PTPRD: variants seen among roughly 807,000 people sequenced by gnomAD.
The protein encoded by PTPRD is protein tyrosine phosphatase receptor type D.
A neutral mutation model predicts 214.5 loss-of-function variants in PTPRD; 34 were observed. The ratio of observed to expected loss-of-function variants is 0.16; its 90% CI spans 0.12 to 0.21. The LOEUF is 0.21. Ranked by LOEUF, PTPRD falls within the 10% of genes least tolerant of loss-of-function variation. PTPRD has a pLI of 1.00. For synonymous variants in PTPRD, 1,128 were observed against 845.7 expected (o/e 1.33, Z -5.79); for missense variants, 2,545 against 2,398.7 (o/e 1.06, Z -1.27).
At chr9:8,544,860 A>G (rs1222454726) in intron 14 of PTPRD, among the ~76,000 whole-genome samples, 3 of 150,408 alleles carry the variant, frequency 2.0e-5, no homozygotes, top group Non-Finnish European at 3.0e-5. Flanking sequence ...TCCTTTGACA[A>G]TAACAGCTGG....
chr9:9,001,059 C>T (rs752464263), intron 11 of PTPRD, among the ~76,000 whole-genome samples: 2 of 151,954 alleles, frequency 1.3e-5, no homozygotes, highest in Non-Finnish European at 2.9e-5. Context: ...TGCTAATACT[C>T]TCTCAAATTT....
intron 10 of PTPRD, among the ~76,000 whole-genome samples, chr9:9,146,939 C>T (rs78230319): frequency 0.038 from 5,714 of 152,114 alleles, 363 homozygotes; most frequent in African/African-American, 0.13. Flanking sequence ...AATAAGGTCA[C>T]CCAAAACATT....
chr9:10,550,360 G>A (rs1427460139), intron 2 of PTPRD, among the ~76,000 whole-genome samples: 1 of 152,156 alleles, frequency 6.6e-6, no homozygotes, highest in Non-Finnish European at 1.5e-5. Flanking sequence ...GTGTAATTTG[G>A]ATTTCCTTTA....
intron 10 of PTPRD, among the ~76,000 whole-genome samples, chr9:9,145,428 T>C (rs2099866965): frequency 6.8e-6 from 1 of 148,016 alleles, no homozygotes; most frequent in Admixed American, 6.8e-5. Context: ...ATATTGAGTG[T>C]CCTTTTAATT....
At chr9:10,091,303 G>T (rs1227180943) in intron 3 of PTPRD, among the ~76,000 whole-genome samples, 1 of 151,352 alleles carries the variant, frequency 6.6e-6, no homozygotes, top group Non-Finnish European at 1.5e-5. Context: ...AGTAAAAGGA[G>T]AATTATTTGA....
chr9:9,630,777 G>A (rs2095565586), intron 7 of PTPRD, among the ~76,000 whole-genome samples: 1 of 151,986 alleles, frequency 6.6e-6, no homozygotes, highest in Non-Finnish European at 1.5e-5. Flanking sequence ...TTACATAAAT[G>A]TCTGGTGCCA....
At chr9:9,391,602 G>A (rs905488000) in intron 9 of PTPRD, among the ~76,000 whole-genome samples, 14 of 152,218 alleles carry the variant, frequency 9.2e-5, no homozygotes, top group African/African-American at 3.4e-4. Context: ...GTACATGTGA[G>A]TCCTCATTTG....
intron 11 of PTPRD, among the ~76,000 whole-genome samples, chr9:8,982,386 T>G (rs2099317327): frequency 6.6e-6 from 1 of 151,978 alleles, no homozygotes; most frequent in Admixed American, 6.6e-5. Context: ...AAGGGAAGTC[T>G]TTCTCTCTGT....
chr9:9,696,964 T>G (rs1022679004), intron 7 of PTPRD, among the ~76,000 whole-genome samples: 8 of 152,148 alleles, frequency 5.3e-5, no homozygotes, highest in Non-Finnish European at 7.4e-5. Flanking sequence ...TCATTACATG[T>G]GTTTCTTCTG....
At chr9:9,524,542 A>T (rs1360740682) in intron 8 of PTPRD, among the ~76,000 whole-genome samples, 1 of 152,214 alleles carries the variant, frequency 6.6e-6, no homozygotes, top group Admixed American at 6.5e-5. Flanking sequence ...AAATGATCTG[A>T]GCTCAACAAG....
rs398010299 is a variant in PTPRD, at chr9:10,525,727, A to AGTGTGTGTGTGT, written c.-600+86659_-600+86670dup. On this transcript the variant is annotated intron_variant, in intron 2 of 45. Transcript: ENST00000381196. The stretch of plus-strand genomic sequence containing the variant: ...GGGAAGGATCCACAAAGATTTTCAA[A>AGTGTGTGTGTGT]GTGTGTGTGTGTGTGTGTGTGTGTG... 5.3e-3 allele frequency among the ~76,000 whole-genome samples: 773 copies of AGTGTGTGTGTGT among 147,030 alleles called. 12 individuals are homozygous for AGTGTGTGTGTGT. Among genetic ancestry groups the AGTGTGTGTGTGT allele is most frequent in the African/African-American group, 0.017 (695 of 39,986 alleles).
At chr9:10,508,785 G>A (rs1285253410) in intron 2 of PTPRD, among the ~76,000 whole-genome samples, 1 of 151,968 alleles carries the variant, frequency 6.6e-6, no homozygotes, top group Non-Finnish European at 1.5e-5. Flanking sequence ...CACACACTGG[G>A]GCCTGTCGTG....
intron 5 of PTPRD, among the ~76,000 whole-genome samples, chr9:9,894,837 T>G (rs983473495): frequency 1.3e-5 from 2 of 151,574 alleles, no homozygotes; most frequent in South Asian, 2.1e-4. Context: ...AAAATGTCTG[T>G]TTTTTTTCTG....
chr9:9,756,673 A>T (rs1214064610), intron 6 of PTPRD, among the ~76,000 whole-genome samples: 1 of 152,160 alleles, frequency 6.6e-6, no homozygotes, highest in East Asian at 1.9e-4. Context: ...TACATTGTGA[A>T]TGTACTAACT....
chr9:9,023,900 G>C (rs1429311726), intron 10 of PTPRD, among the ~76,000 whole-genome samples: 1 of 151,530 alleles, frequency 6.6e-6, no homozygotes, highest in Non-Finnish European at 1.5e-5. Flanking sequence ...TATTTCCTGT[G>C]ATATTGCACA....
At chr9:8,656,083 AC>A (rs2096903995) in intron 12 of PTPRD, among the ~76,000 whole-genome samples, 2 of 152,132 alleles carry the variant, frequency 1.3e-5, no homozygotes, top group South Asian at 2.1e-4. Flanking sequence ...TATGAAAAAA[AC>A]ATTTTTTAAC....
chr9:9,570,671 G>A (rs1430395262), intron 8 of PTPRD, among the ~76,000 whole-genome samples: 1 of 151,370 alleles, frequency 6.6e-6, no homozygotes, highest in Non-Finnish European at 1.5e-5. Context: ...TGTTCTCCCT[G>A]CTTTCATTAT....
At chr9:8,320,884 C>G (rs144637952) in intron 44 of PTPRD, among the ~76,000 whole-genome samples, 1 of 152,026 alleles carries the variant, frequency 6.6e-6, no homozygotes, top group African/African-American at 2.4e-5. Context: ...AGTGAATAAT[C>G]TGAAAAATCC....
intron 3 of PTPRD, among the ~76,000 whole-genome samples, chr9:10,039,192 TC>T (rs1170249724): frequency 5.9e-5 from 9 of 152,114 alleles, no homozygotes; most frequent in Non-Finnish European, 1.0e-4. Context: ...AAACTTGAAA[TC>T]ATCTACAAAA....
Sources: allele counts gnomAD v4.1 joint callset (sites outside exome capture counted in the v4.1 genomes callset), GRCh38; gene constraint gnomAD v4.1.1; transcripts MANE v1.5; gene names NCBI Gene and HGNC (gene_info 2026-07-23, HGNC 2026-07-21).